Variants in NPHS1 observed in about 807,000 individuals in gnomAD.
The protein encoded by NPHS1 is NPHS1 adhesion molecule, nephrin, also known as nephrin.
In NPHS1, 107 loss-of-function variants were observed where a neutral mutation model predicts 139.7. The observed-to-expected ratio is 0.77, with a 90% CI of 0.66 to 0.90. The LOEUF (loss-of-function observed/expected upper bound fraction) is 0.90, where lower values mean the gene tolerates loss of function less well. Ranked by LOEUF, NPHS1 falls within the 40% of genes least tolerant of loss-of-function variation. The pLI, the probability that NPHS1 is intolerant of heterozygous loss-of-function variation, is 0.00. For missense variants in NPHS1, 1,580 were observed against 1,654.2 expected (o/e 0.96, Z 0.78); for synonymous variants, 707 against 706.6 (o/e 1.00, Z -0.01).
At position 35,849,356 on chromosome 19, in the gene NPHS1, T is replaced by G; in HGVS notation, c.720A>C (p.Pro240=). ...CTGGCCACTCGATGACAGGGGGTCC[T>G]GGAGGGACTGGGGGATATCAGTCAC... ...ASFTVNVLFP[P]GPPVIEWPGL... Residue 240 remains proline, a synonymous_variant, in exon 7 of 29, where the codon CCA becomes CCC. Transcript: ENST00000378910. 1 of 1,611,826 alleles carries G rather than the reference T, an allele frequency of 6.2e-7. No individual in the cohort carries two copies. The highest frequency in any genetic ancestry group is 8.5e-7 in the Non-Finnish European group (1 of 1,179,624).
rs759093283 is a variant in NPHS1 at position 35,851,301 on chromosome 19, G to T, written c.358C>A (p.Pro120Thr). Reference sequence around the variant, plus strand: ...ATCACTCTGGGAGACACGAGCTCGGGCCCCATCTCAGAGCGGCCGACCTGG... The same window carrying T: ...ATCACTCTGGGAGACACGAGCTCGGTCCCCATCTCAGAGCGGCCGACCTGG... ...ECQVGRSEMG[P>T]ELVSPRVILS... The change falls in exon 3 of 29, where the codon CCC (proline) becomes ACC (threonine). Residue 120 changes from proline to threonine, a missense_variant. Transcript: ENST00000378910. 1 of 1,613,976 alleles carries T rather than the reference G, an allele frequency of 6.2e-7. No homozygotes were observed. The highest frequency in any genetic ancestry group is 1.3e-5 in the African/African-American group (1 of 75,028).
Position 35,831,771 on chromosome 19 carries a change from G to T in NPHS1, c.3167-9C>A. On this transcript the variant is annotated splice_polypyrimidine_tract_variant and intron_variant, in intron 23 of 28. Transcript: ENST00000378910. ...GGGCAGCCCCGAGGGTCCTAGGGGT[G>T]GAAGATACCCCTCAGTGAATCCCAG... 6.4e-7 allele frequency: 1 copy of T among 1,559,884 alleles called. No homozygotes were observed. The highest frequency in any genetic ancestry group is 1.4e-5 in the African/African-American group (1 of 73,448).
In NPHS1 at chr19:35,846,099, C is replaced by A; in HGVS notation, c.1536G>T (p.Glu512Asp). The stretch of plus-strand genomic sequence containing the variant: ...CCGACGGCCCTGTGACCAGCACCAG[C>A]TCTCGGGAGAAGGTGCTCCCAGATT... ...VEKSGSTFSRELVLVTGPSDN... is the reference protein window; with the variant it reads ...VEKSGSTFSRDLVLVTGPSDN... Residue 512 changes from glutamate (E) to aspartate (D), a missense_variant, in exon 12 of 29, where the codon GAG becomes GAT. Coordinates refer to ENST00000378910, the MANE Select transcript of NPHS1 (RefSeq NM_004646.4). 1 of 1,596,998 alleles carries A rather than the reference C, an allele frequency of 6.3e-7. No homozygotes were observed. The highest frequency in any genetic ancestry group is 1.7e-5 in the Admixed American group (1 of 57,388).
At position 35,851,459 on chromosome 19, in the gene NPHS1, C is replaced by A. The variant is rs1256453272; in HGVS notation, c.272G>T (p.Arg91Ile). The change falls in exon 2 of 29, where the codon AGA becomes ATA. Residue 91 changes from arginine to isoleucine, a missense_variant and splice_region_variant. Transcript: ENST00000378910. ...PRYRLEGDPA[R>I]GEFHLHIEAC... ...GGTCTCAGGCTCTGATCCCTTACCT[C>A]TAGCAGGGTCCCCTTCCAGGCGGTA... The A allele has an allele frequency of 6.2e-7, 1 of 1,613,452 alleles. No homozygotes were observed. Among genetic ancestry groups the A allele is most frequent in the East Asian group, 2.2e-5 (1 of 44,876 alleles).
chr19:35,835,645 A>G, intron 23 of NPHS1, 60 bp downstream of exon 23: 1 of 1,439,574 alleles, frequency 6.9e-7, no homozygotes, highest in Non-Finnish European at 9.8e-7. Context: ...AGGTAGGGTC[A>G]GAGACCAGGA....
chr19:35,844,434 C>T lies in NPHS1; in HGVS notation c.1956G>A (p.Gln652=), dbSNP rs1338440250. Residue 652 remains glutamine (Q), a synonymous_variant, in exon 15 of 29, where the codon CAG becomes CAA. Transcript: ENST00000378910. ...GCTCCACCGCGGTCACCACCAGCAC[C>T]TGCTCCCCCAGGAACTCTGGACGGT... The part of the protein sequence containing the change: ...VLYRPEFLGE[Q]VLVVTAVEQG... The T allele has an allele frequency of 1.3e-6, 2 of 1,594,242 alleles. No individual in the cohort carries two copies. The highest frequency in any genetic ancestry group is 8.5e-7 in the Non-Finnish European group (1 of 1,171,358).
chr19:35,831,937 C>A (rs1180475535), intron 23 of NPHS1, among the ~76,000 whole-genome samples, 175 bp from the exon 24 acceptor site: 1 of 152,162 alleles, frequency 6.6e-6, no homozygotes, highest in Non-Finnish European at 1.5e-5. Flanking sequence ...TGGCTTCTTT[C>A]TTAAGTCAAG....
intron 28 of NPHS1, among the ~76,000 whole-genome samples, chr19:35,829,784 C>G (rs571414384): frequency 8.9e-4 from 135 of 152,172 alleles, no homozygotes; most frequent in African/African-American, 3.2e-3. Flanking sequence ...GGTAATCCAC[C>G]CACCTCAGCC....
At chr19:35,846,873 A>G (rs906687962) in intron 11 of NPHS1, among the ~76,000 whole-genome samples, 3 of 152,056 alleles carry the variant, frequency 2.0e-5, no homozygotes, top group Non-Finnish European at 2.9e-5. Flanking sequence ...CTTCCCCCCA[A>G]AGTTTTCAAC....
chr19:35,850,620 G>A (rs1224781881), intron 4 of NPHS1, among the ~76,000 whole-genome samples, 175 bp from the exon 5 acceptor site: 2 of 152,116 alleles, frequency 1.3e-5, no homozygotes, highest in African/African-American at 2.4e-5. Context: ...CCTGAATGCC[G>A]CAGTCTTCAG....
Position 35,846,132 on chromosome 19 carries a change from G to A in NPHS1, c.1503C>T (p.Ser501=). 1.9e-6 allele frequency: 3 copies of A among 1,597,926 alleles called. No homozygotes were observed. The highest frequency in any genetic ancestry group is 2.6e-6 in the Non-Finnish European group (3 of 1,173,484). ...AGAAGGTGCTCCCAGATTTCTCCAC[G>A]CTGCCGAGATGCACGCGCCGCGACT... ...PQESRRVHLG[S]VEKSGSTFSR... The change falls in exon 12 of 29, where the codon AGC becomes AGT. Residue 501 remains serine, a synonymous_variant. Transcript: ENST00000378910.
At chr19:35,831,955 CA>C (rs904915003) in intron 23 of NPHS1, among the ~76,000 whole-genome samples, 193 bp from the exon 24 acceptor site, 1 of 152,204 alleles carries the variant, frequency 6.6e-6, no homozygotes, top group Admixed American at 6.5e-5. Flanking sequence ...AAGCCATTAG[CA>C]AAACTTCCTC....
chr19:35,840,249 C>G (rs1158711301), intron 20 of NPHS1, among the ~76,000 whole-genome samples: 1 of 151,914 alleles, frequency 6.6e-6, no homozygotes, highest in African/African-American at 2.4e-5. Context: ...AGGTGATCCA[C>G]CCGCCTTGGC....
intron 22 of NPHS1, among the ~76,000 whole-genome samples, chr19:35,837,585 CTT>C (rs1356526181): frequency 1.4e-5 from 2 of 142,396 alleles, no homozygotes; most frequent in African/African-American, 3.0e-5. Flanking sequence ...TAGCTTCTTT[CTT>C]TCTCTCTCTC....
At chr19:35,844,666 G>A (rs1380084132) in intron 14 of NPHS1, among the ~76,000 whole-genome samples, 2 of 152,170 alleles carry the variant, frequency 1.3e-5, no homozygotes, top group African/African-American at 2.4e-5. Context: ...CAGAAGCCAG[G>A]GTCAGTTTGA....
At position 35,842,551 on chromosome 19, in the gene NPHS1, C is replaced by T. The variant is rs150038620; in HGVS notation, c.2335-1G>A. Reference sequence around the variant, plus strand: ...GGCTCTGGTCCTCCTCATCTTCTCCCTGGAGGCCCAAGAGTCCAGAATTGG... The same window carrying T: ...GGCTCTGGTCCTCCTCATCTTCTCCTTGGAGGCCCAAGAGTCCAGAATTGG... On this transcript the variant is annotated splice_acceptor_variant, in intron 17 of 28. Transcript: ENST00000378910. LOFTEE classifies it high-confidence loss of function. 2.7e-4 allele frequency: 429 copies of T among 1,613,916 alleles called. No individual in the cohort carries two copies. The highest frequency in any genetic ancestry group is 3.3e-4 in the Non-Finnish European group (388 of 1,180,006).
chr19:35,841,816 G>A lies in NPHS1; in HGVS notation c.2714C>T (p.Thr905Ile), dbSNP rs1192392669. 1 of 1,613,998 alleles carries A rather than the reference G, an allele frequency of 6.2e-7. No homozygotes were observed. Among genetic ancestry groups the A allele is most frequent in the African/African-American group, 1.3e-5 (1 of 74,930 alleles). Residue 905 changes from threonine to isoleucine, a missense_variant, in exon 20 of 29, where the codon ACC becomes ATC. Physicochemically the swap from Thr to Ile is moderately conservative, Grantham distance 89. Transcript: ENST00000378910. ...CTGGGCGGCAGACACGTTGGCAATG[G>A]TCAGGAGGCTGCTGTGGACACCACC... ...HQGGVHSSLLTIANVSAAQDY... is the reference protein window; with the variant it reads ...HQGGVHSSLLIIANVSAAQDY...
In NPHS1 at chr19:35,835,786, G is replaced by A. The variant is rs116828344; in HGVS notation, c.3110-25C>T. 383 of 1,600,180 alleles carry A rather than the reference G, an allele frequency of 2.4e-4. 1 individual carries two copies. In the African/African-American group the frequency reaches 4.8e-3, roughly 20 times the overall value. On this transcript the variant is annotated intron_variant, in intron 22 of 28. Coordinates refer to ENST00000378910, the MANE Select transcript of NPHS1 (RefSeq NM_004646.4). ...CCTGGGGGGTGGATATACAGATTGT[G>A]ACTTAACACTAAGAATCTGAGATAA...
chr19:35,847,526 T>C (rs1973161951), intron 11 of NPHS1, among the ~76,000 whole-genome samples: 1 of 151,648 alleles, frequency 6.6e-6, no homozygotes, highest in African/African-American at 2.4e-5. Flanking sequence ...AGCTAATTTT[T>C]TGTATTTTTA....
Sources: allele counts gnomAD v4.1 joint callset (sites outside exome capture counted in the v4.1 genomes callset), GRCh38; gene constraint gnomAD v4.1.1; transcripts MANE v1.5; gene names NCBI Gene and HGNC (gene_info 2026-07-23, HGNC 2026-07-21).